Variants in EXOC4 observed in about 807,000 individuals in gnomAD.
EXOC4 encodes the protein SEC8-like 1.
EXOC4 carries 71 observed loss-of-function variants against 107.2 expected under a neutral mutation model. The observed-to-expected ratio is 0.66, with a 90% CI of 0.55 to 0.81. EXOC4 has a LOEUF of 0.81. Among genes scored for constraint, EXOC4 ranks in the 30% least tolerant of loss-of-function variants. EXOC4 has a pLI of 0.00. For missense variants in EXOC4, 1,108 were observed against 1,189.6 expected, an observed-to-expected ratio of 0.93 and a Z score of 1.01; for synonymous variants, 456 against 441.2, an observed-to-expected ratio of 1.03 and a Z score of -0.42.
chr7:133,406,697 C>T (rs971800405), intron 7 of EXOC4, among the ~76,000 whole-genome samples: 2 of 152,278 alleles, frequency 1.3e-5, no homozygotes, highest in African/African-American at 4.8e-5. Flanking sequence ...TAATTCACCT[C>T]GGTTTAAATT....
chr7:133,855,090 T>TAAATATATATAAATATATATATAA (rs1563028413), intron 11 of EXOC4, among the ~76,000 whole-genome samples: 23 of 84,604 alleles, frequency 2.7e-4, no homozygotes, highest in African/African-American at 1.6e-3. Flanking sequence ...TAAATATATA[T>TAAATATATATAAATATATATATAA]AAATATATAT....
intron 7 of EXOC4, among the ~76,000 whole-genome samples, chr7:133,402,521 C>T (rs1021422041): frequency 9.2e-5 from 14 of 152,122 alleles, no homozygotes; most frequent in African/African-American, 2.2e-4. Context: ...TTTTTTGAGA[C>T]GGAGTCTTGC....
At chr7:133,761,176 T>C (rs1410453269) in intron 10 of EXOC4, among the ~76,000 whole-genome samples, 2 of 152,176 alleles carry the variant, frequency 1.3e-5, no homozygotes, top group African/African-American at 4.8e-5. Context: ...TGTTTACCTT[T>C]GAAATTTTGA....
chr7:133,862,823 A>G (rs1798563374), intron 11 of EXOC4, among the ~76,000 whole-genome samples: 2 of 151,818 alleles, frequency 1.3e-5, no homozygotes, highest in South Asian at 2.1e-4. Flanking sequence ...TACATTTGGC[A>G]ATGTGACAGA....
At chr7:133,618,946 C>T (rs1313639485) in intron 9 of EXOC4, among the ~76,000 whole-genome samples, 2 of 152,000 alleles carry the variant, frequency 1.3e-5, no homozygotes, top group Admixed American at 6.6e-5. Context: ...GTATTGATCT[C>T]GTCATGGCTC....
chr7:133,358,952 C>T (rs909734106), intron 6 of EXOC4, among the ~76,000 whole-genome samples: 4 of 151,978 alleles, frequency 2.6e-5, no homozygotes, highest in Admixed American at 1.3e-4. Flanking sequence ...TTCGTTTGTC[C>T]GTATTTTAGA....
At chr7:133,664,437 A>C (rs996035575) in intron 10 of EXOC4, among the ~76,000 whole-genome samples, 6 of 152,118 alleles carry the variant, frequency 3.9e-5, no homozygotes, top group Non-Finnish European at 8.8e-5. Flanking sequence ...TTGGTCTGCG[A>C]GTACGATTTT....
chr7:133,385,592 C>T (rs1333538446), intron 7 of EXOC4, among the ~76,000 whole-genome samples: 1 of 152,202 alleles, frequency 6.6e-6, no homozygotes, highest in East Asian at 1.9e-4. Flanking sequence ...TGTCACTTTA[C>T]ACTCAAGTAC....
At chr7:133,992,298 TTTGATACAGGGTC>T (rs1563083642) in intron 14 of EXOC4, among the ~76,000 whole-genome samples, 2 of 152,140 alleles carry the variant, frequency 1.3e-5, no homozygotes, top group Non-Finnish European at 2.9e-5. Flanking sequence ...TGTTTGTTTT[TTTGATACAGGGTC>T]TGACGCTGTT....
intron 10 of EXOC4, among the ~76,000 whole-genome samples, chr7:133,740,794 G>A (rs1405822280): frequency 1.3e-5 from 2 of 152,166 alleles, no homozygotes; most frequent in Non-Finnish European, 2.9e-5. Context: ...CTCTAGGAAT[G>A]ATGGCCCCAT....
At chr7:134,056,610 A>C (rs2116607739) in intron 17 of EXOC4, among the ~76,000 whole-genome samples, 1 of 152,356 alleles carries the variant, frequency 6.6e-6, no homozygotes, top group Non-Finnish European at 1.5e-5. Flanking sequence ...CCAAAGAGAC[A>C]CAGTTTTAAT....
intron 9 of EXOC4, among the ~76,000 whole-genome samples, chr7:133,509,888 G>A (rs28406766): frequency 0.081 from 12,377 of 152,140 alleles, 1,682 homozygotes; most frequent in African/African-American, 0.28. Context: ...CTGGATCCCC[G>A]TCATCTTACA....
At chr7:133,777,530 G>A (rs918197899) in intron 10 of EXOC4, among the ~76,000 whole-genome samples, 1 of 152,104 alleles carries the variant, frequency 6.6e-6, no homozygotes, top group Non-Finnish European at 1.5e-5. Context: ...CACATTCTTA[G>A]GGCATTTATT....
chr7:133,779,397 A>G (rs935387030), intron 10 of EXOC4, among the ~76,000 whole-genome samples: 10 of 152,210 alleles, frequency 6.6e-5, no homozygotes, highest in African/African-American at 2.4e-4. Flanking sequence ...AATGCAAAGA[A>G]TAGGGTGGAA....
intron 9 of EXOC4, among the ~76,000 whole-genome samples, chr7:133,484,500 G>A (rs1799229789): frequency 6.6e-6 from 1 of 151,836 alleles, no homozygotes; most frequent in Non-Finnish European, 1.5e-5. Flanking sequence ...ATTCTTCAGG[G>A]GAATAGATAA....
At chr7:133,715,107 G>A (rs1035599283) in intron 10 of EXOC4, among the ~76,000 whole-genome samples, 3 of 152,186 alleles carry the variant, frequency 2.0e-5, no homozygotes, top group African/African-American at 7.2e-5. Flanking sequence ...AGGCTAGACA[G>A]CAGAGAATGG....
chr7:133,672,495 A>G (rs1793970445), intron 10 of EXOC4, among the ~76,000 whole-genome samples: 1 of 152,018 alleles, frequency 6.6e-6, no homozygotes, highest in Admixed American at 6.5e-5. Flanking sequence ...GTGGTTACTT[A>G]TTGCTTGGCA....
chr7:134,027,533 C>T (rs1795168510), intron 17 of EXOC4, among the ~76,000 whole-genome samples: 1 of 151,750 alleles, frequency 6.6e-6, no homozygotes, highest in South Asian at 2.1e-4. Flanking sequence ...TGGTGCATGC[C>T]TGGAATCCCA....
intron 17 of EXOC4, among the ~76,000 whole-genome samples, chr7:134,039,099 T>A: frequency 6.6e-6 from 1 of 152,206 alleles, no homozygotes; most frequent in African/African-American, 2.4e-5. Flanking sequence ...TGAGTTGACA[T>A]CTTGCTTAAT....
Sources: allele counts gnomAD v4.1 joint callset (sites outside exome capture counted in the v4.1 genomes callset), GRCh38; gene constraint gnomAD v4.1.1; transcripts MANE v1.5; gene names NCBI Gene and HGNC (gene_info 2026-07-23, HGNC 2026-07-21).